Variants in AMBRA1 observed in about 807,000 individuals in gnomAD.
AMBRA1 encodes the protein activating molecule in BECN1-regulated autophagy protein 1.
A neutral mutation model predicts 125.4 loss-of-function variants in AMBRA1; 47 were observed. That is an observed-to-expected ratio of 0.37 (90% CI 0.30 to 0.48). The LOEUF (loss-of-function observed/expected upper bound fraction) is 0.48, where lower values mean the gene tolerates loss of function less well. Among genes scored for constraint, AMBRA1 ranks in the 20% least tolerant of loss-of-function variants. AMBRA1 has a pLI of 0.99. For synonymous variants in AMBRA1, 626 were observed against 655.5 expected (o/e 0.95, Z 0.69); for missense variants, 1,331 against 1,693.4 (o/e 0.79, Z 3.76).
chr11:46,549,413 C>G (rs1197872449), intron 1 of AMBRA1, among the ~76,000 whole-genome samples: 1 of 152,058 alleles, frequency 6.6e-6, no homozygotes, highest in Non-Finnish European at 1.5e-5. Context: ...CAAGAATTGT[C>G]AATATTTTGC....
In AMBRA1 at chr11:46,446,160, G is replaced by C. The variant is rs571928023; in HGVS notation, c.2522-2562C>G. ...TCTGCCAATGGTGCCAGGGTGCTGA[G>C]GAGGAATGAAGCCTGGCACCAAGGA... On this transcript the variant is annotated intron_variant, in intron 11 of 17. Transcript: ENST00000683756. Among the ~76,000 whole-genome samples, 15 of 152,300 alleles carry C rather than the reference G, an allele frequency of 9.8e-5. No individual in the cohort carries two copies. The South Asian group carries it at 3.1e-3, about 32-fold the overall frequency.
intron 11 of AMBRA1, among the ~76,000 whole-genome samples, chr11:46,483,027 A>G (rs1950134549): frequency 6.6e-6 from 1 of 151,786 alleles, no homozygotes; most frequent in Non-Finnish European, 1.5e-5. Context: ...AAAGAAAAAA[A>G]AAAAAGAGTA....
chr11:46,488,688 A>G (rs1295294717), intron 11 of AMBRA1, among the ~76,000 whole-genome samples: 2 of 152,210 alleles, frequency 1.3e-5, no homozygotes, highest in Non-Finnish European at 2.9e-5. Flanking sequence ...CACTCTCTAG[A>G]AGAGCCTATA....
intron 3 of AMBRA1, 28 bp downstream of exon 3, chr11:46,547,789 T>C (rs1313182412): frequency 6.3e-7 from 1 of 1,595,744 alleles, no homozygotes; most frequent in South Asian, 1.1e-5. Context: ...TTATCACAAA[T>C]CTTAAGTTAT....
chr11:46,421,406 A>G (rs962179159), intron 14 of AMBRA1, among the ~76,000 whole-genome samples: 4 of 152,224 alleles, frequency 2.6e-5, no homozygotes, highest in Non-Finnish European at 5.9e-5. Context: ...AATGCCGCAC[A>G]AAGATCAGCA....
In AMBRA1 at chr11:46,573,663, CTT is replaced by C. The variant is rs142367481; in HGVS notation, c.-121+20163_-121+20164del. 2.3e-3 allele frequency among the ~76,000 whole-genome samples: 325 copies of C among 138,688 alleles called. 3 individuals are homozygous for C. Among genetic ancestry groups the C allele is most frequent in the Non-Finnish European group, 2.8e-3 (178 of 63,696 alleles). 91.0% of individuals were successfully genotyped at this position (138,688 alleles called of 152,430 possible). ...TTTTTAAAGAAGCAGAATCCTTTTT[CTT>C]TTTTTTTTTTTTTATTATACTTTAA... is the stretch of plus-strand genomic sequence containing the variant. On this transcript the variant is annotated intron_variant, in intron 1 of 17. Coordinates refer to ENST00000683756, the MANE Select transcript of AMBRA1 (RefSeq NM_001387011.1).
At chr11:46,431,586 G>A (rs1947457985) in intron 14 of AMBRA1, among the ~76,000 whole-genome samples, 1 of 152,200 alleles carries the variant, frequency 6.6e-6, no homozygotes. Flanking sequence ...AAGAGCCCTG[G>A]CTTATGAAAG....
chr11:46,475,817 A>C (rs971843825), intron 11 of AMBRA1, among the ~76,000 whole-genome samples: 2 of 152,248 alleles, frequency 1.3e-5, no homozygotes, highest in African/African-American at 4.8e-5. Flanking sequence ...ATTCGGAGAA[A>C]GGTGGAACAG....
chr11:46,403,220 C>T (rs1378968959), intron 17 of AMBRA1, among the ~76,000 whole-genome samples: 1 of 152,222 alleles, frequency 6.6e-6, no homozygotes, highest in Non-Finnish European at 1.5e-5. Context: ...ATTTCATTGC[C>T]AGAAGAGCCA....
intron 1 of AMBRA1, among the ~76,000 whole-genome samples, chr11:46,563,664 AC>A (rs2043412309): frequency 6.7e-6 from 1 of 149,626 alleles, no homozygotes; most frequent in Admixed American, 6.7e-5. Context: ...ATGTAGTGAA[AC>A]CCCGTCTCTA....
intron 7 of AMBRA1, among the ~76,000 whole-genome samples, chr11:46,526,990 G>T (rs549275053): frequency 6.6e-6 from 1 of 152,294 alleles, no homozygotes; most frequent in South Asian, 2.1e-4. Context: ...GTGTAAACTT[G>T]CTCACTGTTT....
chr11:46,517,197 G>A (rs1191356010), intron 7 of AMBRA1, among the ~76,000 whole-genome samples: 1 of 147,178 alleles, frequency 6.8e-6, no homozygotes, highest in Non-Finnish European at 1.5e-5. Flanking sequence ...GCCCAGGCTG[G>A]AGTGCAATGG....
At chr11:46,553,248 T>C (rs1213063416) in intron 1 of AMBRA1, among the ~76,000 whole-genome samples, 2 of 152,036 alleles carry the variant, frequency 1.3e-5, no homozygotes, top group East Asian at 1.9e-4. Context: ...CGGCCACCAT[T>C]CACTTTTTTA....
At chr11:46,585,239 G>C (rs2044326461) in intron 1 of AMBRA1, among the ~76,000 whole-genome samples, 1 of 152,034 alleles carries the variant, frequency 6.6e-6, no homozygotes, top group Non-Finnish European at 1.5e-5. Flanking sequence ...CCTCTGCCTA[G>C]GAAAACCAGA....
intron 9 of AMBRA1, among the ~76,000 whole-genome samples, chr11:46,503,967 G>A (rs1260947655): frequency 6.6e-6 from 1 of 152,170 alleles, no homozygotes; most frequent in Non-Finnish European, 1.5e-5. Flanking sequence ...CCAAAGTGCT[G>A]AGATTACAGG....
At chr11:46,574,583 TAGGTTGCGAA>T (rs1380881156) in intron 1 of AMBRA1, among the ~76,000 whole-genome samples, 1 of 152,102 alleles carries the variant, frequency 6.6e-6, no homozygotes, top group Non-Finnish European at 1.5e-5. Context: ...GTCAGATGAG[TAGGTTGCGAA>T]AGTTTGCAGA....
chr11:46,575,050 A>G (rs2043906851), intron 1 of AMBRA1, among the ~76,000 whole-genome samples: 1 of 152,216 alleles, frequency 6.6e-6, no homozygotes, highest in Non-Finnish European at 1.5e-5. Context: ...AGAGAAGTGA[A>G]CAAGTAAATG....
intron 7 of AMBRA1, among the ~76,000 whole-genome samples, chr11:46,531,292 T>C (rs1369308413): frequency 2.0e-5 from 3 of 152,228 alleles, no homozygotes. Flanking sequence ...TAATTTACTA[T>C]CTTGACCTTT....
intron 1 of AMBRA1, among the ~76,000 whole-genome samples, chr11:46,569,190 A>T (rs2043656491): frequency 6.6e-6 from 1 of 150,692 alleles, no homozygotes; most frequent in South Asian, 2.1e-4. Flanking sequence ...TCCTGAATCA[A>T]AATGGGATTA....
Sources: gnomAD v4.1 joint callset for allele counts (sites outside exome capture counted in the v4.1 genomes callset) on GRCh38, gnomAD v4.1.1 for gene constraint, MANE v1.5 for transcripts, NCBI Gene and HGNC (gene_info 2026-07-23, HGNC 2026-07-21) for gene names.